The following OSBPL9 variants were observed in gnomAD, a reference collection of about 807,000 sequenced individuals.
The protein encoded by OSBPL9 is oxysterol binding protein like 9, also known as oxysterol-binding protein-related protein 9.
In OSBPL9, 40 loss-of-function variants were observed where a neutral mutation model predicts 106.6. The observed-to-expected ratio is 0.38, with a 90% CI of 0.29 to 0.49. The LOEUF is 0.49. OSBPL9 is among the 20% of genes least tolerant of loss of function. The probability of loss-of-function intolerance (pLI) is 0.97; values close to 1 mark genes in which losing one functional copy is unlikely to be tolerated. For synonymous variants in OSBPL9, 269 were observed against 295.4 expected (o/e 0.91, Z 0.92); for missense variants, 609 against 887.2 (o/e 0.69, Z 3.98).
In OSBPL9 at chr1:51,668,280, CTCTTA is replaced by C. The variant is rs1235680802; in HGVS notation, c.163-1148_163-1144del. 4.6e-5 allele frequency among the ~76,000 whole-genome samples: 7 copies of C among 152,266 alleles called. No individual in the cohort carries two copies. The East Asian group carries it at 1.3e-3, about 29-fold the overall frequency. The stretch of plus-strand genomic sequence containing the variant: ...TTCCCTATTTTGCTTAGTTTCCTGT[CTCTTA>C]TCTTAATTCCTGTTGTCTTCACAGA... On this transcript the variant is annotated intron_variant, in intron 2 of 23. Transcript: ENST00000428468.
rs1275864715 is a variant in OSBPL9 at position 51,774,886 on chromosome 1, A to T, written c.1171-1947A>T. On this transcript the variant is annotated intron_variant, in intron 14 of 23. Transcript: ENST00000428468. The stretch of plus-strand genomic sequence containing the variant: ...GAAGAAAAAAATATTTATTTTTTTT[A>T]AATTACGTGTGAAATTAAACTTTTT... Among the ~76,000 whole-genome samples, 3 of 152,212 alleles carry T rather than the reference A, an allele frequency of 2.0e-5. No individual in the cohort carries two copies. In the East Asian group the frequency reaches 5.8e-4, roughly 29 times the overall value.
intron 7 of OSBPL9, 115 bp downstream of exon 7, chr1:51,748,513 T>A: frequency 8.7e-7 from 1 of 1,151,678 alleles, no homozygotes; most frequent in Non-Finnish European, 1.1e-6. Flanking sequence ...TTTTTATGAA[T>A]ATTATACAGG....
intron 3 of OSBPL9, among the ~76,000 whole-genome samples, chr1:51,681,971 G>T (rs1652653256): frequency 6.6e-6 from 1 of 152,162 alleles, no homozygotes; most frequent in African/African-American, 2.4e-5. Context: ...GGAGGCTGAT[G>T]TGGGCAGATC....
At chr1:51,562,402 T>A in the OSBPL9 span, among the ~76,000 whole-genome samples, 1 of 152,198 alleles carries the variant, frequency 6.6e-6, no homozygotes, top group Non-Finnish European at 1.5e-5. Context: ...CAGAAGCTGA[T>A]GCTGCCATGC....
intron 1 of OSBPL9, among the ~76,000 whole-genome samples, chr1:51,577,761 CT>C (rs2148597800): frequency 6.6e-6 from 1 of 152,254 alleles, no homozygotes; most frequent in South Asian, 2.1e-4. Flanking sequence ...CTTAACAGCC[CT>C]GTGATGAATG....
chr1:51,539,681 G>T, the OSBPL9 span, among the ~76,000 whole-genome samples: 516 of 152,140 alleles, frequency 3.4e-3, 1 homozygote, highest in African/African-American at 0.012. Context: ...AGGAAACTAG[G>T]GCAGAGAGAG....
chr1:51,743,313 G>A (rs1667324074), intron 4 of OSBPL9, among the ~76,000 whole-genome samples: 1 of 152,274 alleles, frequency 6.6e-6, no homozygotes, highest in Middle Eastern at 3.4e-3. Flanking sequence ...GAAGGTTATG[G>A]AAGACTATCT....
rs58936844 is a variant in OSBPL9, at chr1:51,593,904, T to TCACACACACACACA, written c.-422-4194_-422-4181dup. ...GCACCCTCAAATAATTAATCAGATTTCACACACACACACACACACACACAC... is the reference window on the plus strand; with the variant it reads ...GCACCCTCAAATAATTAATCAGATTTCACACACACACACACACACACACACACACACACACACAC... On this transcript the variant is annotated intron_variant, in intron 1 of 25. Coordinates refer to the OSBPL9 transcript ENST00000371714. 2.3e-3 allele frequency among the ~76,000 whole-genome samples: 326 copies of TCACACACACACACA among 140,172 alleles called. 3 individuals carry two copies. Among genetic ancestry groups the TCACACACACACACA allele is most frequent in the Non-Finnish European group, 3.3e-3 (212 of 64,812 alleles). 92.0% of individuals were successfully genotyped at this position (140,172 alleles called of 152,430 possible).
At chr1:51,750,973 C>T (rs1444240495) in intron 8 of OSBPL9, among the ~76,000 whole-genome samples, 2 of 152,164 alleles carry the variant, frequency 1.3e-5, no homozygotes, top group Non-Finnish European at 2.9e-5. Context: ...AGACTTTTAA[C>T]CTACTGTTGT....
intron 3 of OSBPL9, among the ~76,000 whole-genome samples, chr1:51,675,575 T>C (rs1650991110): frequency 1.3e-5 from 2 of 152,076 alleles, no homozygotes; most frequent in Admixed American, 6.5e-5. Flanking sequence ...AGAGAGCTGA[T>C]GATTAAACCT....
intron 2 of OSBPL9, among the ~76,000 whole-genome samples, chr1:51,664,086 A>G (rs1647811071): frequency 6.6e-6 from 1 of 152,236 alleles, no homozygotes; most frequent in South Asian, 2.1e-4. Flanking sequence ...TAAACCTGAT[A>G]TATGCATATC....
chr1:51,649,140 A>T (rs960484884), intron 1 of OSBPL9, among the ~76,000 whole-genome samples: 4 of 152,018 alleles, frequency 2.6e-5, no homozygotes, highest in Non-Finnish European at 5.9e-5. Context: ...AAACAGTCAC[A>T]CTGTTTCCCA....
rs147561874 is a variant in OSBPL9 at position 51,669,464 on chromosome 1, G to A, written c.193G>A (p.Asp65Asn). ...GAVIGIDDED[D>N]STFTITVDQK... ...TGTGATTGGTATAGACGATGAGGAC[G>A]ACAGCACCTTCACAATAACTGTTGA... The change falls in exon 3 of 24, where the codon GAC becomes AAC. Residue 65 changes from aspartate (D) to asparagine (N), a missense_variant. Asp to Asn is a conservative substitution (Grantham distance 23). This residue lies in a region of OSBPL9 where 72 missense variants were observed against 140.5 expected (regional missense o/e 0.51). Transcript: ENST00000428468. The A allele has an allele frequency of 1.1e-5, 18 of 1,614,016 alleles. No homozygotes were observed. The East Asian group carries it at 1.6e-4, about 14-fold the overall frequency.
At chr1:51,530,942 C>T in the OSBPL9 span, among the ~76,000 whole-genome samples, 1 of 151,308 alleles carries the variant, frequency 6.6e-6, no homozygotes, top group African/African-American at 2.4e-5. Context: ...CCACCGTACT[C>T]CAGCCTGGGT....
At chr1:51,640,800 ATTT>A (rs35721198) in intron 1 of OSBPL9, among the ~76,000 whole-genome samples, 1 of 143,930 alleles carries the variant, frequency 6.9e-6, no homozygotes. Context: ...TGTAAAGATA[ATTT>A]TTTTTTTTTT....
chr1:51,616,151 A>G (rs1461942633), upstream of OSBPL9, among the ~76,000 whole-genome samples: 1 of 151,750 alleles, frequency 6.6e-6, no homozygotes, highest in African/African-American at 2.4e-5. Flanking sequence ...CGCCCAGATA[A>G]TTTTTGTATG....
At chr1:51,596,275 A>G (rs1264676015) in intron 1 of OSBPL9, among the ~76,000 whole-genome samples, 3 of 149,882 alleles carry the variant, frequency 2.0e-5, no homozygotes, top group East Asian at 4.0e-4. Flanking sequence ...AAAAAAAAAA[A>G]AAAAGGCCAG....
chr1:51,560,316 G>A, the OSBPL9 span, among the ~76,000 whole-genome samples: 8 of 152,190 alleles, frequency 5.3e-5, no homozygotes, highest in South Asian at 4.1e-4. Flanking sequence ...TGTTTGAATC[G>A]TGTCTCTACC....
chr1:51,786,436 G>A (rs992106693), intron 21 of OSBPL9, 90 bp from the exon 22 acceptor site: 5 of 801,964 alleles, frequency 6.2e-6, no homozygotes, highest in Non-Finnish European at 1.0e-5. Flanking sequence ...TGGACCTAGA[G>A]AATTTGAAGT....
Sources: gnomAD v4.1 joint callset for allele counts (sites outside exome capture counted in the v4.1 genomes callset) on GRCh38, gnomAD v4.1.1 for gene constraint, gnomAD v4.1.1 regional missense constraint, MANE v1.5 for transcripts, NCBI Gene and HGNC (gene_info 2026-07-23, HGNC 2026-07-21) for gene names.